The following DLGAP2 variants were observed in gnomAD, a reference collection of about 807,000 sequenced individuals.
The protein encoded by DLGAP2 is DLG associated protein 2.
DLGAP2 carries 26 observed loss-of-function variants against 100.3 expected under a neutral mutation model. That is an observed-to-expected ratio of 0.26 (90% CI 0.19 to 0.36). DLGAP2 has a LOEUF of 0.36. Ranked by LOEUF, DLGAP2 falls within the 10% of genes least tolerant of loss-of-function variation. The pLI, the probability that DLGAP2 is intolerant of heterozygous loss-of-function variation, is 1.00. For synonymous variants in DLGAP2, 886 were observed against 630.1 expected, an observed-to-expected ratio of 1.41 and a Z score of -6.08; for missense variants, 1,858 against 1,453.2, an observed-to-expected ratio of 1.28 and a Z score of -4.53.
intron 3 of DLGAP2, among the ~76,000 whole-genome samples, chr8:1,416,194 G>C (rs73670797): frequency 0.017 from 2,644 of 152,256 alleles, 58 homozygotes; most frequent in African/African-American, 0.055. Flanking sequence ...GACGATGCCT[G>C]GTTACCAGCG....
chr8:1,385,800 C>T (rs796919203), intron 3 of DLGAP2, among the ~76,000 whole-genome samples: 20 of 151,990 alleles, frequency 1.3e-4, no homozygotes, highest in East Asian at 3.9e-4. Context: ...GGCCTGTGCC[C>T]GGCCCCTGAG....
intron 3 of DLGAP2, among the ~76,000 whole-genome samples, chr8:1,270,784 C>G (rs915516840): frequency 6.7e-6 from 1 of 148,462 alleles, no homozygotes; most frequent in Non-Finnish European, 1.5e-5. Flanking sequence ...CTGTGTGTGT[C>G]TACCTCTCTC....
intron 1 of DLGAP2, among the ~76,000 whole-genome samples, chr8:814,530 A>G (rs1796428098): frequency 6.6e-6 from 1 of 152,166 alleles, no homozygotes; most frequent in Admixed American, 6.5e-5. Flanking sequence ...CCATAAACCA[A>G]TATGCTATGT....
At chr8:1,321,310 C>T (rs1479355201) in intron 3 of DLGAP2, among the ~76,000 whole-genome samples, 1 of 151,352 alleles carries the variant, frequency 6.6e-6, no homozygotes, top group African/African-American at 2.4e-5. Context: ...ATCTGTGTGT[C>T]TCTGCGTGTG....
chr8:967,075 C>T (rs186475181), intron 2 of DLGAP2, among the ~76,000 whole-genome samples: 10 of 152,330 alleles, frequency 6.6e-5, no homozygotes, highest in Admixed American at 5.9e-4. Flanking sequence ...AAATAAACTT[C>T]TTTGTGTATT....
rs182036083 is a variant in DLGAP2, at chr8:1,199,849, C to T, written c.74-59002C>T. ...GGAAAAAAAATAACTCTTAGAAACA[C>T]TGGAATCATCGGCTGTGTCACTGGG... On this transcript the variant is annotated intron_variant, in intron 2 of 14. Transcript: ENST00000637795. Among the ~76,000 whole-genome samples, 157 of 152,260 alleles carry T rather than the reference C, an allele frequency of 1.0e-3. 2 individuals carry two copies. Among genetic ancestry groups the T allele is most frequent in the African/African-American group, 3.4e-3 (143 of 41,534 alleles).
At chr8:816,742 A>T (rs1796487619) in intron 1 of DLGAP2, among the ~76,000 whole-genome samples, 1 of 152,116 alleles carries the variant, frequency 6.6e-6, no homozygotes, top group Non-Finnish European at 1.5e-5. Context: ...GTTCTTTGAG[A>T]TTCTTGTATT....
intron 1 of DLGAP2, among the ~76,000 whole-genome samples, chr8:846,178 A>G (rs1797068113): frequency 6.6e-6 from 1 of 152,242 alleles, no homozygotes; most frequent in Non-Finnish European, 1.5e-5. Context: ...TTTGAAATAA[A>G]TAATACATTA....
chr8:895,329 G>C (rs969216143), intron 1 of DLGAP2, among the ~76,000 whole-genome samples: 5 of 152,088 alleles, frequency 3.3e-5, no homozygotes, highest in African/African-American at 1.2e-4. Flanking sequence ...TTAAAATTAT[G>C]GATGTGTATA....
chr8:1,466,566 A>G (rs1361183540), intron 3 of DLGAP2, among the ~76,000 whole-genome samples: 1 of 151,730 alleles, frequency 6.6e-6, no homozygotes, highest in African/African-American at 2.4e-5. Context: ...TCTGGCCCAT[A>G]TGTGATAAAA....
intron 6 of DLGAP2, among the ~76,000 whole-genome samples, chr8:1,577,628 G>T (rs1483118972): frequency 6.6e-6 from 1 of 151,442 alleles, no homozygotes. Context: ...TCCAACAAGA[G>T]GTTTATTGTG....
intron 4 of DLGAP2, among the ~76,000 whole-genome samples, chr8:1,527,908 T>C (rs1800847245): frequency 6.6e-6 from 1 of 152,164 alleles, no homozygotes. Context: ...TCAACTATGC[T>C]TTTAAGTATC....
intron 2 of DLGAP2, among the ~76,000 whole-genome samples, chr8:1,029,916 A>AT (rs1360521575): frequency 6.6e-6 from 1 of 152,148 alleles, no homozygotes; most frequent in Non-Finnish European, 1.5e-5. Context: ...CATGTGGGCA[A>AT]TGTGGAAAAG....
intron 3 of DLGAP2, among the ~76,000 whole-genome samples, chr8:1,425,323 G>T (rs62484243): frequency 0.079 from 12,102 of 152,244 alleles, 848 homozygotes; most frequent in East Asian, 0.35. Context: ...GCATGTGCTT[G>T]ATCTGTCAGA....
At chr8:967,324 T>C (rs1375193052) in intron 2 of DLGAP2, among the ~76,000 whole-genome samples, 1 of 152,222 alleles carries the variant, frequency 6.6e-6, no homozygotes, top group Non-Finnish European at 1.5e-5. Context: ...CTTTCGAACA[T>C]GAAGGTTCAG....
chr8:1,598,815 G>C (rs902259727), intron 6 of DLGAP2, among the ~76,000 whole-genome samples: 1 of 152,080 alleles, frequency 6.6e-6, no homozygotes, highest in Non-Finnish European at 1.5e-5. Flanking sequence ...CAAAAAACCA[G>C]CTTCTAGATT....
chr8:1,608,760 C>G (rs1165222199), intron 6 of DLGAP2, among the ~76,000 whole-genome samples: 78 of 147,924 alleles, frequency 5.3e-4, no homozygotes, highest in African/African-American at 1.8e-3. Flanking sequence ...CCTCAGGAGC[C>G]GATGCGATCA....
At chr8:905,563 A>G (rs1292703797) in intron 1 of DLGAP2, among the ~76,000 whole-genome samples, 1 of 152,042 alleles carries the variant, frequency 6.6e-6, no homozygotes, top group Non-Finnish European at 1.5e-5. Flanking sequence ...ATGAGGTCTG[A>G]GGTTTGCAGT....
intron 6 of DLGAP2, among the ~76,000 whole-genome samples, chr8:1,585,398 A>C (rs889569744): frequency 6.6e-6 from 1 of 152,162 alleles, no homozygotes; most frequent in African/African-American, 2.4e-5. Context: ...TGGGAGGCGG[A>C]GGTTGCAGTG....
Sources: allele counts gnomAD v4.1 joint callset (sites outside exome capture counted in the v4.1 genomes callset), GRCh38; gene constraint gnomAD v4.1.1; transcripts MANE v1.5; gene names NCBI Gene and HGNC (gene_info 2026-07-23, HGNC 2026-07-21).